Variants in SLC9B1 observed in about 807,000 individuals in gnomAD.
SLC9B1 encodes the protein sodium/hydrogen exchanger 9B1.
SLC9B1 carries 32 observed loss-of-function variants against 51.7 expected under a neutral mutation model. The ratio of observed to expected loss-of-function variants is 0.62; its 90% CI spans 0.47 to 0.83. The LOEUF (loss-of-function observed/expected upper bound fraction) is 0.83, where lower values mean the gene tolerates loss of function less well. Ranked by LOEUF, SLC9B1 falls within the 40% of genes least tolerant of loss-of-function variation. SLC9B1 has a pLI of 0.00. For synonymous variants in SLC9B1, 145 were observed against 212.7 expected (o/e 0.68, Z 2.77); for missense variants, 406 against 613.2 (o/e 0.66, Z 3.57).
chr4:103,017,790 T>C (rs1741464431), intron 1 of SLC9B1, among the ~76,000 whole-genome samples: 1 of 152,240 alleles, frequency 6.6e-6, no homozygotes, highest in Non-Finnish European at 1.5e-5. Context: ...CACTAGAATT[T>C]AAACTTCATA....
chr4:103,018,442 A>C (rs1437441440), intron 1 of SLC9B1, among the ~76,000 whole-genome samples: 2 of 152,236 alleles, frequency 1.3e-5, no homozygotes, highest in East Asian at 3.8e-4. Flanking sequence ...ATACCTATGA[A>C]TGCCCTTTTC....
chr4:103,011,929 G>C (rs528543793), intron 1 of SLC9B1, among the ~76,000 whole-genome samples: 154 of 152,150 alleles, frequency 1.0e-3, no homozygotes, highest in African/African-American at 3.5e-3. Flanking sequence ...ATACCTTCAG[G>C]GCCACTCCTC....
In SLC9B1 at chr4:102,921,336, A is replaced by T. The variant is rs528914980; in HGVS notation, c.830-9799T>A. 3.3e-5 allele frequency among the ~76,000 whole-genome samples: 5 copies of T among 152,306 alleles called. No homozygotes were observed. In the East Asian group the frequency reaches 9.7e-4, roughly 29 times the overall value. On this transcript the variant is annotated intron_variant, in intron 7 of 11. Transcript: ENST00000296422. ...AAGCTTCATAAGTGAAGGAGAAATAAAATCCTTTACAGACAAGCAAATGCT... is the reference window on the plus strand; with the variant it reads ...AAGCTTCATAAGTGAAGGAGAAATATAATCCTTTACAGACAAGCAAATGCT...
intron 3 of SLC9B1, among the ~76,000 whole-genome samples, chr4:102,974,904 T>C (rs1738972015): frequency 2.6e-5 from 4 of 152,178 alleles, no homozygotes; most frequent in Admixed American, 6.5e-5. Flanking sequence ...AATAAAATAA[T>C]AGTAAATCTA....
At chr4:102,918,433 A>C (rs554220083) in intron 7 of SLC9B1, among the ~76,000 whole-genome samples, 1 of 152,360 alleles carries the variant, frequency 6.6e-6, no homozygotes, top group African/African-American at 2.4e-5. Flanking sequence ...AATACCTGAT[A>C]AGGGGTTAAT....
Position 102,958,018 on chromosome 4 carries a change from T to C in SLC9B1, c.212-8591A>G, listed in dbSNP as rs546993588. 7.9e-5 allele frequency among the ~76,000 whole-genome samples: 12 copies of C among 152,282 alleles called. 2 individuals carry two copies. In the South Asian group the frequency reaches 2.3e-3, roughly 29 times the overall value. Reference sequence around the variant, plus strand: ...CCCAAAGGTACTTGGGAGGCTGAGATAGAAGTATTGCTTGAGGCTAGGAGT... The same window carrying C: ...CCCAAAGGTACTTGGGAGGCTGAGACAGAAGTATTGCTTGAGGCTAGGAGT... On this transcript the variant is annotated intron_variant, in intron 3 of 11. Transcript: ENST00000296422.
chr4:102,983,193 C>A (rs939072418), intron 3 of SLC9B1, among the ~76,000 whole-genome samples: 1 of 152,068 alleles, frequency 6.6e-6, no homozygotes, highest in Non-Finnish European at 1.5e-5. Context: ...GATTACATTA[C>A]TTAATTTTTG....
chr4:102,963,595 T>C (rs1391891467), intron 3 of SLC9B1, among the ~76,000 whole-genome samples: 2 of 152,238 alleles, frequency 1.3e-5, no homozygotes, highest in South Asian at 2.1e-4. Context: ...ACTTGAGCTT[T>C]TTTGTTGACA....
At chr4:102,984,652 A>T (rs1420509188) in intron 3 of SLC9B1, among the ~76,000 whole-genome samples, 2 of 152,258 alleles carry the variant, frequency 1.3e-5, no homozygotes, top group Middle Eastern at 3.4e-3. Flanking sequence ...CCGGAGCAGA[A>T]TTTGTATTTT....
At chr4:102,943,463 TGTG>T (rs1737107027) in intron 6 of SLC9B1, among the ~76,000 whole-genome samples, 2 of 149,510 alleles carry the variant, frequency 1.3e-5, no homozygotes, top group Non-Finnish European at 3.0e-5. Context: ...ATACAGAAAA[TGTG>T]GTGTATATAT....
chr4:102,901,765 G>A (rs764685924), intron 11 of SLC9B1, among the ~76,000 whole-genome samples: 4 of 152,060 alleles, frequency 2.6e-5, no homozygotes, highest in South Asian at 2.1e-4. Context: ...TCTTCTCATT[G>A]TTCTCCCTAT....
intron 7 of SLC9B1, 88 bp from the exon 8 acceptor site, chr4:102,911,625 A>G: frequency 1.3e-6 from 1 of 752,480 alleles, no homozygotes; most frequent in Non-Finnish European, 2.2e-6. Flanking sequence ...GTGGTTCATG[A>G]AGAAAAGTAA....
At chr4:102,930,307 C>T (rs909603110) in intron 7 of SLC9B1, among the ~76,000 whole-genome samples, 7 of 152,148 alleles carry the variant, frequency 4.6e-5, no homozygotes, top group Non-Finnish European at 8.8e-5. Flanking sequence ...TGTTTCAGAA[C>T]ACTCATAAAT....
intron 7 of SLC9B1, among the ~76,000 whole-genome samples, chr4:102,924,777 C>T (rs1342132630): frequency 2.0e-5 from 3 of 152,122 alleles, no homozygotes; most frequent in Non-Finnish European, 2.9e-5. Context: ...AAGAAGACAT[C>T]TATGCAGCCA....
intron 1 of SLC9B1, among the ~76,000 whole-genome samples, chr4:102,994,512 T>A (rs987181364): frequency 6.6e-6 from 1 of 152,194 alleles, no homozygotes; most frequent in Non-Finnish European, 1.5e-5. Flanking sequence ...CTCCAACCTG[T>A]TCCAACCTCA....
intron 6 of SLC9B1, among the ~76,000 whole-genome samples, chr4:102,939,176 AAC>A (rs1054554335): frequency 4.0e-5 from 6 of 151,738 alleles, no homozygotes; most frequent in African/African-American, 1.4e-4. Flanking sequence ...AGATCCAAAA[AAC>A]ACAATCAGAA....
At chr4:102,894,381 T>C (rs1423929820) in intron 11 of SLC9B1, among the ~76,000 whole-genome samples, 1 of 152,162 alleles carries the variant, frequency 6.6e-6, no homozygotes, top group African/African-American at 2.4e-5. Flanking sequence ...AATGAAATAA[T>C]CAGTATAAAT....
In SLC9B1 at chr4:102,901,323, C is replaced by A. The variant is rs747826091; in HGVS notation, c.1342G>T (p.Gly448Cys). The change falls in exon 12 of 12, where the codon GGT becomes TGT. Residue 448 changes from glycine (G) to cysteine (C), a missense_variant. Physicochemically the swap from Gly to Cys is radical, Grantham distance 159 (BLOSUM62 -3). Transcript: ENST00000296422. ...CTTGCTGTTTCTAGAGCCAGAGGAC[C>A]TAACACAGCCTGCATTTAGGGGTAA... ...MPKATVQAVLGPLALETARVS... is the reference protein window; with the variant it reads ...MPKATVQAVLCPLALETARVS... 3.1e-6 allele frequency: 5 copies of A among 1,611,800 alleles called. No homozygotes were observed. The highest frequency in any genetic ancestry group is 4.2e-6 in the Non-Finnish European group (5 of 1,179,744).
intron 11 of SLC9B1, among the ~76,000 whole-genome samples, chr4:102,903,491 G>A (rs1734882909): frequency 6.6e-6 from 1 of 152,304 alleles, no homozygotes; most frequent in South Asian, 2.1e-4. Flanking sequence ...GAACACTGAA[G>A]GACTGAGAGA....
Sources: allele counts gnomAD v4.1 joint callset (sites outside exome capture counted in the v4.1 genomes callset), GRCh38; gene constraint gnomAD v4.1.1; transcripts MANE v1.5; gene names NCBI Gene and HGNC (gene_info 2026-07-23, HGNC 2026-07-21).